FAM149A: variants seen among roughly 807,000 people sequenced by gnomAD.
The protein encoded by FAM149A is protein FAM149A.
FAM149A carries 71 observed loss-of-function variants against 78.2 expected under a neutral mutation model. The observed-to-expected ratio is 0.91, with a 90% CI of 0.75 to 1.11. The LOEUF is 1.11. Among genes scored for constraint, FAM149A ranks in the 50% least tolerant of loss-of-function variants. The pLI is 0.00. For synonymous variants in FAM149A, 446 were observed against 410.5 expected, an observed-to-expected ratio of 1.09 and a Z score of -1.04; for missense variants, 1,036 against 971.0, an observed-to-expected ratio of 1.07 and a Z score of -0.89.
At chr4:186,116,637 A>C (rs938042536) in intron 1 of FAM149A, 1 of 973,680 alleles carries the variant, frequency 1.0e-6, no homozygotes, top group African/African-American at 1.8e-5. Context: ...CTCTGTCACC[A>C]GGCTGGCTGG....
At chr4:186,110,229 A>G (rs1201436588) in intron 1 of FAM149A, 1 of 985,242 alleles carries the variant, frequency 1.0e-6, no homozygotes, top group Non-Finnish European at 1.2e-6. Flanking sequence ...ACAACAACCC[A>G]GGGGCAGTTT....
In FAM149A at chr4:186,104,910, C is replaced by G. The variant is rs1265293970; in HGVS notation, c.-167C>G. ...GACCCGGGCCGGGGAAGGGCGACCC[C>G]AGCGGCGCGGAGCTGAGCGTCCTCG... On this transcript the variant is annotated 5_prime_UTR_variant, in exon 1 of 14. Coordinates refer to ENST00000389354, the MANE Select transcript of FAM149A (RefSeq NM_001367768.3). 1.0e-6 allele frequency: 1 copy of G among 960,964 alleles called. No individual in the cohort carries two copies. The highest frequency in any genetic ancestry group is 1.8e-5 in the African/African-American group (1 of 56,742). The allele number at this position is 960,964 out of a possible 1,614,324, so 59.5% of individuals were successfully genotyped here. A position where few individuals can be genotyped will look rare whatever the true frequency, so the allele number is the denominator to read the frequency against.
In FAM149A at chr4:186,173,455, C is replaced by T. The variant is rs1723169042; in HGVS notation, c.*1468C>T. Among the ~76,000 whole-genome samples the T allele has an allele frequency of 9.0e-6, 1 of 111,376 alleles. No homozygotes were observed. Among genetic ancestry groups the T allele is most frequent in the Non-Finnish European group, 2.3e-5 (1 of 44,220 alleles). The allele number at this position is 111,376 out of a possible 152,430, so 73.1% of individuals were successfully genotyped here. ...ACAACCTCCACCTCCTGGGCTCAAGCGATTCTCCTGCTTCAGCCTCCTGGG... is the reference window on the plus strand; with the variant it reads ...ACAACCTCCACCTCCTGGGCTCAAGTGATTCTCCTGCTTCAGCCTCCTGGG... On this transcript the variant is annotated 3_prime_UTR_variant, in exon 14 of 14. Coordinates refer to ENST00000389354, the MANE Select transcript of FAM149A (RefSeq NM_001367768.3).
chr4:186,159,035 A>G (rs1013131939), intron 8 of FAM149A, among the ~76,000 whole-genome samples: 5 of 152,184 alleles, frequency 3.3e-5, no homozygotes, highest in African/African-American at 1.2e-4. Flanking sequence ...GATTAAAAAA[A>G]TGCTTTCCCC....
intron 4 of FAM149A, among the ~76,000 whole-genome samples, chr4:186,152,670 G>A (rs7671830): frequency 1.3e-5 from 2 of 150,264 alleles, no homozygotes; most frequent in Non-Finnish European, 3.0e-5. Context: ...TCAGCCTCCC[G>A]AGTAGCTGGG....
intron 1 of FAM149A, chr4:186,125,368 G>T: frequency 2.0e-6 from 2 of 978,468 alleles, no homozygotes; most frequent in Non-Finnish European, 2.4e-6. Flanking sequence ...CCCTGCGGAG[G>T]TCTCTTGATG....
chr4:186,155,086 C>G (rs1229856654), intron 6 of FAM149A: 4 of 266,366 alleles, frequency 1.5e-5, no homozygotes, highest in Non-Finnish European at 2.3e-5. Flanking sequence ...CCTCAGCCTC[C>G]CGAGTAGCTG....
chr4:186,116,824 G>C (rs3106349), intron 1 of FAM149A: 951,746 of 954,554 alleles, frequency 1, 474,531 homozygotes, highest in East Asian at 1. Context: ...TGTTTTCTAA[G>C]TTCTTATCCA....
chr4:186,136,022 G>A (rs994176263), intron 1 of FAM149A, among the ~76,000 whole-genome samples: 1 of 152,160 alleles, frequency 6.6e-6, no homozygotes, highest in Non-Finnish European at 1.5e-5. Flanking sequence ...GTGAACCAGA[G>A]AATAATAAGG....
intron 1 of FAM149A, chr4:186,132,073 T>A: frequency 1.0e-6 from 1 of 985,462 alleles, no homozygotes; most frequent in East Asian, 1.1e-4. Flanking sequence ...TATTAAAGCT[T>A]AGCAACACAG....
Position 186,157,762 on chromosome 4 carries a change from G to A in FAM149A, c.1575+43G>A, listed in dbSNP as rs759536751. 7 of 1,581,852 alleles carry A rather than the reference G, an allele frequency of 4.4e-6. No individual in the cohort carries two copies. In the Admixed American group the frequency reaches 1.2e-4, roughly 28 times the overall value. ...CTTCTCCCTCTTGCCTTCACTCTGT[G>A]TGTCTGTCACCTCAGTTTGTCGTTC... On this transcript the variant is annotated intron_variant, in intron 8 of 13. Transcript: ENST00000389354.
rs10536167 is a variant in FAM149A, at chr4:186,104,741, C to CGCGGGCGGCGGGCG, written c.-321_-308dup. On this transcript the variant is annotated 5_prime_UTR_variant, in exon 1 of 14. Coordinates refer to ENST00000389354, the MANE Select transcript of FAM149A (RefSeq NM_001367768.3). ...GGCCGGGTGTGTTGAACGTAGCAAC[C>CGCGGGCGGCGGGCG]GCGGGCGGCGGGCGGCGGGCGGCGG... Among the ~76,000 whole-genome samples the CGCGGGCGGCGGGCG allele has an allele frequency of 0.025, 3,799 of 149,478 alleles. 105 individuals are homozygous for CGCGGGCGGCGGGCG. The highest frequency in any genetic ancestry group is 0.061 in the African/African-American group (2,485 of 40,408).
In FAM149A at chr4:186,150,565, GCCCA is replaced by G. The variant is rs1465665851; in HGVS notation, c.789+864_789+867del. 4.7e-3 allele frequency among the ~76,000 whole-genome samples: 416 copies of G among 87,820 alleles called. 6 individuals are homozygous for G. Among genetic ancestry groups the G allele is most frequent in the Non-Finnish European group, 8.0e-3 (331 of 41,120 alleles). 57.6% of individuals were successfully genotyped at this position (87,820 alleles called of 152,430 possible). The stretch of plus-strand genomic sequence containing the variant: ...CTCCCGAGTAGCTGGGACCACAGGC[GCCCA>G]CCACCACGCCCGGCTAATTTTTTGT... On this transcript the variant is annotated intron_variant, in intron 3 of 13. Transcript: ENST00000389354.
chr4:186,117,677 C>G (rs2099314310), intron 1 of FAM149A: 6 of 980,798 alleles, frequency 6.1e-6, no homozygotes, highest in Non-Finnish European at 7.3e-6. Flanking sequence ...TAGGGAGAGC[C>G]TGGATACTGG....
chr4:186,151,984 C>G lies in FAM149A; in HGVS notation c.871C>G (p.Pro291Ala). 1 of 1,614,156 alleles carries G rather than the reference C, an allele frequency of 6.2e-7. No homozygotes were observed. The highest frequency in any genetic ancestry group is 8.5e-7 in the Non-Finnish European group (1 of 1,180,038). Residue 291 changes from proline to alanine, a missense_variant, in exon 4 of 14, where the codon CCT (proline) becomes GCT (alanine). Pro to Ala is a conservative substitution (Grantham distance 27). Around this residue, in one of 3 missense-constraint regions of FAM149A, gnomAD observed 716 missense variants for 711.8 expected, o/e 1.01. Transcript: ENST00000389354. ...AATGTTATTTGAAGGGAAAGTGAAC[C>G]CTCAGACCCAGAGTCTGCTGGCCGA... is the stretch of plus-strand genomic sequence containing the variant.
At position 186,104,789 on chromosome 4, in the gene FAM149A, G is replaced by A. The variant is rs887822126; in HGVS notation, c.-288G>A. Among the ~76,000 whole-genome samples the A allele has an allele frequency of 1.7e-4, 25 of 147,230 alleles. No homozygotes were observed. Among genetic ancestry groups the A allele is most frequent in the Non-Finnish European group, 3.3e-4 (22 of 67,044 alleles). On this transcript the variant is annotated 5_prime_UTR_variant, in exon 1 of 14. Coordinates refer to ENST00000389354, the MANE Select transcript of FAM149A (RefSeq NM_001367768.3). ...CGGGCGTCTGGGGCGGGCGGCGGCC[G>A]CGCTTCCCGGGGCTCCTGGCCCTTC...
Position 186,173,632 on chromosome 4 carries a change from T to C in FAM149A, c.*1645T>C, listed in dbSNP as rs1735637504. Among the ~76,000 whole-genome samples, 1 of 111,316 alleles carries C rather than the reference T, an allele frequency of 9.0e-6. No homozygotes were observed. The highest frequency in any genetic ancestry group is 2.3e-5 in the Non-Finnish European group (1 of 44,202). The allele number at this position is 111,316 out of a possible 152,430, so 73.0% of individuals were successfully genotyped here. A position where few individuals can be genotyped will look rare whatever the true frequency, so the allele number is the denominator to read the frequency against. The stretch of plus-strand genomic sequence containing the variant: ...TCGGCCTCCCAAAGTGCTGGGATTA[T>C]AGGCGTGAGCTTCCGCGCCTGGCCA... On this transcript the variant is annotated 3_prime_UTR_variant, in exon 14 of 14. Coordinates refer to ENST00000389354, the MANE Select transcript of FAM149A (RefSeq NM_001367768.3).
At chr4:186,130,866 G>A (rs933006395) in intron 1 of FAM149A, among the ~76,000 whole-genome samples, 3 of 152,206 alleles carry the variant, frequency 2.0e-5, no homozygotes, top group Admixed American at 6.5e-5. Context: ...GTACATGGAT[G>A]TTTGGTTGCT....
chr4:186,162,865 T>G lies in FAM149A; in HGVS notation c.1596T>G (p.Ser532Arg). 1 of 1,567,088 alleles carries G rather than the reference T, an allele frequency of 6.4e-7. No homozygotes were observed. ...CTCAGATTCATCACTTCTCCAGCAG[T>G]TTTTATAGTGACATGAATGGTGTCA... Residue 532 changes from serine to arginine, a missense_variant, in exon 9 of 14, where the codon AGT becomes AGG. Coordinates refer to ENST00000389354, the MANE Select transcript of FAM149A (RefSeq NM_001367768.3).
Sources: allele counts gnomAD v4.1 joint callset (sites outside exome capture counted in the v4.1 genomes callset), GRCh38; gene constraint gnomAD v4.1.1; regional missense constraint gnomAD v4.1.1; transcripts MANE v1.5; gene names NCBI Gene and HGNC (gene_info 2026-07-23, HGNC 2026-07-21).